Variants in IL1RAPL1 observed in about 807,000 individuals in gnomAD.
The protein encoded by IL1RAPL1 is interleukin-1 receptor accessory protein-like 1.
IL1RAPL1 carries 3 observed loss-of-function variants against 48.4 expected under a neutral mutation model. The observed-to-expected ratio is 0.06, with a 90% CI of 0.03 to 0.16. IL1RAPL1 has a LOEUF of 0.16. Among genes scored for constraint, IL1RAPL1 ranks in the 10% least tolerant of loss-of-function variants. The pLI, the probability that IL1RAPL1 is intolerant of heterozygous loss-of-function variation, is 1.00. For missense variants in IL1RAPL1, 349 were observed against 530.6 expected (o/e 0.66, Z 3.36); for synonymous variants, 185 against 187.7 (o/e 0.99, Z 0.12).
At chrX:29,246,939 T>G (rs974992675) in intron 2 of IL1RAPL1, among the ~76,000 whole-genome samples, 1 of 111,643 alleles carries the variant, frequency 9.0e-6, no homozygotes, top group African/African-American at 3.3e-5. Flanking sequence ...ATACTTGAAT[T>G]AATCTGGCAA....
intron 5 of IL1RAPL1, among the ~76,000 whole-genome samples, chrX:29,589,998 A>G (rs1218597068): frequency 9.0e-6 from 1 of 110,989 alleles, no homozygotes; most frequent in Non-Finnish European, 1.9e-5. Context: ...TGAATTATGT[A>G]TGTTTTCACT....
intron 2 of IL1RAPL1, among the ~76,000 whole-genome samples, chrX:28,993,955 A>G (rs933520221): frequency 3.6e-5 from 4 of 111,750 alleles, no homozygotes; most frequent in East Asian, 2.8e-4. Context: ...TGGAGTGGCT[A>G]CTTTGTACCA....
intron 1 of IL1RAPL1, among the ~76,000 whole-genome samples, chrX:28,698,832 C>T (rs780788027): frequency 7.2e-5 from 8 of 111,551 alleles, no homozygotes; most frequent in Non-Finnish European, 1.1e-4. Flanking sequence ...AGGAAACAAA[C>T]TGAAATAGCC....
At position 29,955,365 on chromosome X, in the gene IL1RAPL1, A is replaced by G. The variant is rs1406510848; in HGVS notation, c.1636A>G (p.Lys546Glu). 1 of 1,211,667 alleles carries G rather than the reference A, an allele frequency of 8.3e-7. No individual in the cohort carries two copies. The highest frequency in any genetic ancestry group is 1.1e-6 in the Non-Finnish European group (1 of 895,429). The change falls in exon 11 of 11, where the codon AAG becomes GAG. Residue 546 changes from lysine (K) to glutamate (E), a missense_variant. Physicochemically the swap from Lys to Glu is moderately conservative, Grantham distance 56. Around this residue, in one of 3 missense-constraint regions of IL1RAPL1, gnomAD observed 46 missense variants for 113.3 expected, o/e 0.41. Coordinates refer to ENST00000378993, the MANE Select transcript of IL1RAPL1 (RefSeq NM_014271.4). ...VIKWHGPKCN[K>E]LNSKFWKRLQ... ...TAAATGGCATGGACCAAAATGCAAC[A>G]AGTTGAACTCCAAGTTCTGGAAACG...
chrX:29,534,116 A>C (rs1450208078), intron 5 of IL1RAPL1, among the ~76,000 whole-genome samples: 1 of 112,024 alleles, frequency 8.9e-6, no homozygotes, highest in Non-Finnish European at 1.9e-5. Context: ...TCAGAAATTG[A>C]GCCAAATAAA....
chrX:29,107,758 A>T (rs774334838), intron 2 of IL1RAPL1, among the ~76,000 whole-genome samples: 2 of 112,450 alleles, frequency 1.8e-5, no homozygotes, highest in African/African-American at 3.2e-5. Flanking sequence ...TTACATTCAG[A>T]ATCAGTCTGA....
chrX:29,714,122 T>G (rs1927422701), intron 6 of IL1RAPL1, among the ~76,000 whole-genome samples: 1 of 112,145 alleles, frequency 8.9e-6, no homozygotes, highest in African/African-American at 3.2e-5. Flanking sequence ...CAGAACAGAC[T>G]GATTTTTTGA....
chrX:29,937,791 C>T (rs1933056290), intron 8 of IL1RAPL1, among the ~76,000 whole-genome samples: 1 of 111,620 alleles, frequency 9.0e-6, no homozygotes, highest in Admixed American at 9.5e-5. Flanking sequence ...TGTAATACTA[C>T]AGAAGTCTCT....
intron 1 of IL1RAPL1, among the ~76,000 whole-genome samples, chrX:28,744,525 G>A (rs1423195665): frequency 9.0e-6 from 1 of 111,084 alleles, no homozygotes; most frequent in Admixed American, 9.7e-5. Flanking sequence ...TGCAGTTTTG[G>A]AAAAGGATCC....
chrX:29,892,784 A>G (rs1334420930), intron 6 of IL1RAPL1, among the ~76,000 whole-genome samples: 6 of 112,392 alleles, frequency 5.3e-5, no homozygotes, highest in Non-Finnish European at 1.1e-4. Context: ...AGCAGAGCAA[A>G]GCAGTGAAGA....
intron 2 of IL1RAPL1, among the ~76,000 whole-genome samples, chrX:28,812,048 T>C (rs1317533890): frequency 3.6e-5 from 4 of 110,764 alleles, no homozygotes; most frequent in Non-Finnish European, 7.6e-5. Flanking sequence ...AACCGACCTT[T>C]GTGCATTACT....
intron 2 of IL1RAPL1, among the ~76,000 whole-genome samples, chrX:29,252,133 G>A (rs1430083076): frequency 1.9e-5 from 2 of 104,848 alleles, no homozygotes; most frequent in Non-Finnish European, 3.9e-5. Flanking sequence ...GGGGAGGGGG[G>A]AGGGATAGCT....
intron 6 of IL1RAPL1, among the ~76,000 whole-genome samples, chrX:29,769,610 ATTT>A (rs146650137): frequency 2.3e-5 from 1 of 43,062 alleles, no homozygotes. Flanking sequence ...TGCCTGGCTA[ATTT>A]TTTTTTTTTT....
At chrX:29,953,515 G>A (rs1933355357) in intron 9 of IL1RAPL1, among the ~76,000 whole-genome samples, 1 of 111,762 alleles carries the variant, frequency 8.9e-6, no homozygotes, top group Non-Finnish European at 1.9e-5. Context: ...GGAGAGAAAT[G>A]AGATTTTAGA....
intron 8 of IL1RAPL1, among the ~76,000 whole-genome samples, chrX:29,922,319 G>A (rs1469640688): frequency 9.0e-6 from 1 of 111,537 alleles, no homozygotes; most frequent in Non-Finnish European, 1.9e-5. Flanking sequence ...AAAAAATGTG[G>A]TCAATGTTAG....
At chrX:29,536,190 C>G (rs1473769236) in intron 5 of IL1RAPL1, among the ~76,000 whole-genome samples, 1 of 111,880 alleles carries the variant, frequency 8.9e-6, no homozygotes, top group Non-Finnish European at 1.9e-5. Context: ...TGGTGTACTA[C>G]TAAGAAGCAT....
At chrX:29,488,584 T>A (rs1237044791) in intron 5 of IL1RAPL1, among the ~76,000 whole-genome samples, 1 of 111,976 alleles carries the variant, frequency 8.9e-6, no homozygotes, top group Non-Finnish European at 1.9e-5. Flanking sequence ...AACATAACTA[T>A]GAGAGGTGGT....
rs187309863 is a variant in IL1RAPL1, at chrX:29,341,951, T to G, written c.363-54307T>G. 6.5e-3 allele frequency among the ~76,000 whole-genome samples: 713 copies of G among 109,935 alleles called. 5 individuals are homozygous for G. The highest frequency in any genetic ancestry group is 0.021 in the African/African-American group (636 of 30,130). ...CCTCCTGATTAGCTGGGACTACAGGTGCACCTGCTACCACGTACGGCTAAT... is the reference window on the plus strand; with the variant it reads ...CCTCCTGATTAGCTGGGACTACAGGGGCACCTGCTACCACGTACGGCTAAT... On this transcript the variant is annotated intron_variant, in intron 3 of 10. Transcript: ENST00000378993.
intron 6 of IL1RAPL1, among the ~76,000 whole-genome samples, chrX:29,843,445 A>T (rs768594440): frequency 8.9e-6 from 1 of 112,426 alleles, no homozygotes; most frequent in East Asian, 2.8e-4. Flanking sequence ...AAAAGTCAGT[A>T]TAAAAACAGA....
Sources: allele counts gnomAD v4.1 joint callset (sites outside exome capture counted in the v4.1 genomes callset), GRCh38; gene constraint gnomAD v4.1.1; regional missense constraint gnomAD v4.1.1; transcripts MANE v1.5; gene names NCBI Gene and HGNC (gene_info 2026-07-23, HGNC 2026-07-21).